Variants in DOCK2 observed in about 807,000 individuals in gnomAD.
DOCK2 encodes dedicator of cytokinesis 2.
A neutral mutation model predicts 248.9 loss-of-function variants in DOCK2; 87 were observed. The observed-to-expected ratio is 0.35, with a 90% CI of 0.29 to 0.42. DOCK2 has a LOEUF of 0.42. Among genes scored for constraint, DOCK2 ranks in the 10% least tolerant of loss-of-function variants. DOCK2 has a pLI of 1.00. For missense variants in DOCK2, 1,747 were observed against 2,300.2 expected, an observed-to-expected ratio of 0.76 and a Z score of 4.92; for synonymous variants, 805 against 821.6, an observed-to-expected ratio of 0.98 and a Z score of 0.35.
At chr5:169,654,660 A>G (rs1758001444) in intron 2 of DOCK2, among the ~76,000 whole-genome samples, 174 bp downstream of exon 2, 1 of 152,236 alleles carries the variant, frequency 6.6e-6, no homozygotes, top group Admixed American at 6.5e-5. Context: ...CATTTTAGGA[A>G]TGTATGTTTC....
At chr5:170,023,777 T>C (rs1755811367) in intron 33 of DOCK2, among the ~76,000 whole-genome samples, 1 of 152,212 alleles carries the variant, frequency 6.6e-6, no homozygotes, top group Admixed American at 6.5e-5. Context: ...GTTGATGTCA[T>C]CCTTGTCATC....
chr5:169,941,292 C>G (rs1173228810), intron 27 of DOCK2, among the ~76,000 whole-genome samples: 1 of 152,192 alleles, frequency 6.6e-6, no homozygotes, highest in Non-Finnish European at 1.5e-5. Flanking sequence ...ACTACAACCT[C>G]TGCCTCCTGG....
At chr5:169,967,350 G>A (rs1467844703) in intron 27 of DOCK2, among the ~76,000 whole-genome samples, 9 of 152,236 alleles carry the variant, frequency 5.9e-5, no homozygotes, top group Non-Finnish European at 2.9e-5. Context: ...GTAGATACAT[G>A]TGTTGGCTCA....
intron 30 of DOCK2, among the ~76,000 whole-genome samples, chr5:170,001,400 A>G (rs1297540577): frequency 6.6e-6 from 1 of 152,194 alleles, no homozygotes; most frequent in Non-Finnish European, 1.5e-5. Context: ...CTTAACCAAC[A>G]AAGCTGAAAG....
intron 30 of DOCK2, among the ~76,000 whole-genome samples, chr5:169,999,565 C>G (rs1754761746): frequency 6.6e-6 from 1 of 152,114 alleles, no homozygotes; most frequent in African/African-American, 2.4e-5. Flanking sequence ...GGCTGTCACA[C>G]CCACAAGATT....
intron 38 of DOCK2, among the ~76,000 whole-genome samples, chr5:170,043,480 C>G (rs1247138067): frequency 6.6e-6 from 1 of 152,188 alleles, no homozygotes; most frequent in Admixed American, 6.5e-5. Context: ...AATGCAAGAC[C>G]TCTTACAGTT....
chr5:169,870,425 C>T (rs771408287), intron 27 of DOCK2, among the ~76,000 whole-genome samples: 6 of 152,030 alleles, frequency 3.9e-5, no homozygotes, highest in South Asian at 4.1e-4. Context: ...AACAACAGAG[C>T]GAGGTTCTGG....
intron 27 of DOCK2, among the ~76,000 whole-genome samples, chr5:169,862,334 C>T (rs991018664): frequency 4.6e-5 from 7 of 152,042 alleles, no homozygotes; most frequent in African/African-American, 9.7e-5. Flanking sequence ...GCATGATGCC[C>T]GAGAATATAA....
At chr5:169,933,398 C>T (rs913589547) in intron 27 of DOCK2, among the ~76,000 whole-genome samples, 1 of 152,192 alleles carries the variant, frequency 6.6e-6, no homozygotes, top group Non-Finnish European at 1.5e-5. Context: ...ATCCAAGGTC[C>T]TTCTAATGTG....
intron 32 of DOCK2, among the ~76,000 whole-genome samples, chr5:170,016,999 T>A (rs902845498): frequency 2.6e-5 from 4 of 152,096 alleles, no homozygotes; most frequent in Non-Finnish European, 4.4e-5. Flanking sequence ...CCTGGAAAAG[T>A]GTCTTTATTT....
chr5:169,735,883 A>G (rs984118407), intron 22 of DOCK2, among the ~76,000 whole-genome samples: 15 of 151,968 alleles, frequency 9.9e-5, no homozygotes, highest in African/African-American at 2.9e-4. Flanking sequence ...GCTTCAGGAA[A>G]CTTACAAACA....
chr5:169,895,330 G>T (rs748889113), intron 27 of DOCK2, among the ~76,000 whole-genome samples: 2 of 151,852 alleles, frequency 1.3e-5, no homozygotes, highest in African/African-American at 4.8e-5. Context: ...AAAGGGAAGA[G>T]CATATGGTAG....
At chr5:169,643,816 G>A (rs929621545) in intron 1 of DOCK2, among the ~76,000 whole-genome samples, 2 of 152,202 alleles carry the variant, frequency 1.3e-5, no homozygotes, top group African/African-American at 4.8e-5. Context: ...CACAGGGTCT[G>A]AATGGGGTAA....
In DOCK2 at chr5:170,027,012, G is replaced by A. The variant is rs1755940740; in HGVS notation, c.3382-851G>A. ...AGTGTCAGGTGTGGCTGAATGCAGG[G>A]GCTCACAAATGGCATCAGGTCTCTG... is the stretch of plus-strand genomic sequence containing the variant. On this transcript the variant is annotated intron_variant, in intron 33 of 51. Transcript: ENST00000520908. Among the ~76,000 whole-genome samples, 4 of 152,024 alleles carry A rather than the reference G, an allele frequency of 2.6e-5. No homozygotes were observed. The South Asian group carries it at 8.3e-4, about 32-fold the overall frequency.
intron 27 of DOCK2, among the ~76,000 whole-genome samples, chr5:169,886,983 T>TC (rs1773010861): frequency 6.6e-6 from 1 of 152,164 alleles, no homozygotes; most frequent in Non-Finnish European, 1.5e-5. Flanking sequence ...TGCGATCAGT[T>TC]CCCCACTTTA....
Position 170,041,088 on chromosome 5 carries a change from C to A in DOCK2, c.3699C>A (p.Asp1233Glu), listed in dbSNP as rs1447469721. The change falls in exon 37 of 52, where the codon GAC (aspartate) becomes GAA (glutamate). Residue 1233 changes from aspartate (D) to glutamate (E), a missense_variant. By Grantham distance (45) the Asp-to-Glu change is conservative. Transcript: ENST00000520908. The stretch of plus-strand genomic sequence containing the variant: ...ACAAACTCCGCGATCTTCACCTGGA[C>A]TGTGACAATTACACAGAGGCTGCCT... ...YLYKLRDLHL[D>E]CDNYTEAAYT... 6 of 1,614,014 alleles carry A rather than the reference C, an allele frequency of 3.7e-6. No homozygotes were observed. The highest frequency in any genetic ancestry group is 5.1e-6 in the Non-Finnish European group (6 of 1,180,026).
chr5:169,642,013 A>C (rs1757177217), intron 1 of DOCK2, among the ~76,000 whole-genome samples: 1 of 152,130 alleles, frequency 6.6e-6, no homozygotes, highest in Non-Finnish European at 1.5e-5. Flanking sequence ...TGTGACTATG[A>C]GGTGGGGTCA....
chr5:169,690,005 T>C (rs1760199734), intron 9 of DOCK2, among the ~76,000 whole-genome samples: 2 of 151,958 alleles, frequency 1.3e-5, no homozygotes, highest in South Asian at 4.1e-4. Flanking sequence ...TAATTTTTAG[T>C]AGAGACCCCT....
At chr5:169,769,680 G>A (rs990143848) in intron 25 of DOCK2, among the ~76,000 whole-genome samples, 5 of 152,230 alleles carry the variant, frequency 3.3e-5, no homozygotes, top group Admixed American at 3.3e-4. Context: ...GATGTGCATG[G>A]TATCAGCCCG....
Sources: gnomAD v4.1 joint callset for allele counts (sites outside exome capture counted in the v4.1 genomes callset) on GRCh38, gnomAD v4.1.1 for gene constraint, MANE v1.5 for transcripts, NCBI Gene and HGNC (gene_info 2026-07-23, HGNC 2026-07-21) for gene names.